The following SH3TC1 variants were observed in gnomAD, a reference collection of about 807,000 sequenced individuals.
SH3TC1 encodes the protein SH3 domain and tetratricopeptide repeat-containing protein 1.
A neutral mutation model predicts 117.3 loss-of-function variants in SH3TC1; 135 were observed. The ratio of observed to expected loss-of-function variants is 1.15; its 90% confidence interval spans 1.00 to 1.33. The LOEUF (loss-of-function observed/expected upper bound fraction) is 1.33, where lower values mean the gene tolerates loss of function less well. Among genes scored for constraint, SH3TC1 ranks in the 40% most tolerant of loss-of-function variants. The pLI, the probability that SH3TC1 is intolerant of heterozygous loss-of-function variation, is 0.00. For synonymous variants in SH3TC1, 898 were observed against 816.9 expected (o/e 1.10, Z -1.69); for missense variants, 2,092 against 1,794.3 (o/e 1.17, Z -3.00).
In SH3TC1 at chr4:8,228,156, T is replaced by A. The variant is rs1161990990; in HGVS notation, c.2462T>A (p.Val821Asp). 4.3e-6 allele frequency: 7 copies of A among 1,612,086 alleles called. No individual in the cohort carries two copies. The highest frequency in any genetic ancestry group is 5.9e-6 in the Non-Finnish European group (7 of 1,179,374). ...QAVEASAIAG[V>D]RAIVDHLVAL... ...GTGGAAGCCAGTGCTATTGCCGGAG[T>A]CCGTGCCATCGTGGACCACCTGGTG... The change falls in exon 12 of 18, where the codon GTC (valine) becomes GAC (aspartate). Residue 821 changes from valine (V) to aspartate (D), a missense_variant. Coordinates refer to ENST00000245105, the MANE Select transcript of SH3TC1 (RefSeq NM_018986.5).
chr4:8,223,558 A>G (rs1322580120), intron 10 of SH3TC1, among the ~76,000 whole-genome samples: 1 of 152,194 alleles, frequency 6.6e-6, no homozygotes, highest in Non-Finnish European at 1.5e-5. Context: ...GTCATCCACA[A>G]CATAAAGAAA....
At chr4:8,196,971 ACAC>A (rs1219123286), upstream of SH3TC1, among the ~76,000 whole-genome samples, 1 of 152,178 alleles carries the variant, frequency 6.6e-6, no homozygotes. This position sits in a 1 kb window ranked among gnomAD's most constrained non-coding sequence, Gnocchi z 4.6. Flanking sequence ...TACCGAGCTG[ACAC>A]CAAAAGGTAG....
Position 8,232,161 on chromosome 4 carries a change from G to T in SH3TC1, c.3131+5G>T. 7.4e-7 allele frequency: 1 copy of T among 1,348,570 alleles called. No individual in the cohort carries two copies. The allele number at this position is 1,348,570 out of a possible 1,614,324, so 83.5% of individuals were successfully genotyped here. The stretch of plus-strand genomic sequence containing the variant: ...CCTGTCCCTGGGCACCGAGCGGTGA[G>T]GGCTGGCTCTGTGGTGGTGGGGGCG... On this transcript the variant is annotated splice_donor_5th_base_variant and intron_variant, in intron 13 of 17. Transcript: ENST00000245105.
intron 1 of SH3TC1, among the ~76,000 whole-genome samples, chr4:8,199,838 C>T (rs1717707969): frequency 6.6e-6 from 1 of 152,202 alleles, no homozygotes; most frequent in Non-Finnish European, 1.5e-5. Context: ...CCCAGCGCCT[C>T]AGCCTCACCC....
rs201346781 is a variant in SH3TC1 at position 8,218,262 on chromosome 4, C to T, written c.840-9C>T. 692 of 1,608,148 alleles carry T rather than the reference C, an allele frequency of 4.3e-4. No individual in the cohort carries two copies. Among genetic ancestry groups the T allele is most frequent in the Non-Finnish European group, 5.4e-4 (636 of 1,175,446 alleles). ...TCCCGCAGCAAAGACCTCCCTCTTC[C>T]GGCTCCAGGTGGGCTCTTAGGATCC... On this transcript the variant is annotated splice_polypyrimidine_tract_variant and intron_variant, in intron 7 of 17. Coordinates refer to ENST00000245105, the MANE Select transcript of SH3TC1 (RefSeq NM_018986.5).
At position 8,219,293 on chromosome 4, in the gene SH3TC1, A is replaced by C. The variant is rs755101260; in HGVS notation, c.917-42A>C. ...GCCCTGTCTGCCCGCTCTGGCCCCCATTTGGTCTCCCTGGCACTCACCATG... is the reference window on the plus strand; with the variant it reads ...GCCCTGTCTGCCCGCTCTGGCCCCCCTTTGGTCTCCCTGGCACTCACCATG... On this transcript the variant is annotated intron_variant, in intron 8 of 17. Coordinates refer to ENST00000245105, the MANE Select transcript of SH3TC1 (RefSeq NM_018986.5). 13 of 1,503,372 alleles carry C rather than the reference A, an allele frequency of 8.6e-6. No homozygotes were observed. In the South Asian group the frequency reaches 1.5e-4, roughly 17 times the overall value. 93.1% of individuals were successfully genotyped at this position (1,503,372 alleles called of 1,614,324 possible).
At position 8,183,187 on chromosome 4, in the gene SH3TC1, C is replaced by T. The variant is rs1338409331; in HGVS notation, c.-57+977C>T. Among the ~76,000 whole-genome samples the T allele has an allele frequency of 6.6e-6, 1 of 152,212 alleles. No individual in the cohort carries two copies. Among genetic ancestry groups the T allele is most frequent in the Non-Finnish European group, 1.5e-5 (1 of 68,030 alleles). On this transcript the variant is annotated intron_variant, in intron 1 of 16. Coordinates refer to the SH3TC1 transcript ENST00000508641. The surrounding 1 kb of genome is among the most constrained non-coding windows in gnomAD (Gnocchi z 5.4). ...TAGAATGGTCTGGAGCCCTCTGTGG[C>T]AGCAGCAGCCCCAGGCGAGTTCTGT...
Position 8,228,036 on chromosome 4 carries a change from G to A in SH3TC1, c.2342G>A (p.Gly781Asp). The A allele has an allele frequency of 6.2e-7, 1 of 1,608,320 alleles. No homozygotes were observed. The highest frequency in any genetic ancestry group is 1.7e-5 in the Admixed American group (1 of 59,824). ...CTGGCCTCCCTGACCCCGGGCACAG[G>A]CCAGGCGCTGCGCGGCCCCCTCTAC... ...QALASLTPGT[G>D]QALRGPLYTS... Residue 781 changes from glycine (G) to aspartate (D), a missense_variant, in exon 12 of 18, where the codon GGC becomes GAC. Physicochemically the swap from Gly to Asp is moderately conservative, Grantham distance 94. Transcript: ENST00000245105.
chr4:8,188,785 G>A (rs1717315899), intron 1 of SH3TC1, among the ~76,000 whole-genome samples: 1 of 152,244 alleles, frequency 6.6e-6, no homozygotes, highest in African/African-American at 2.4e-5. Context: ...TAGCAGGCAT[G>A]TGAGGTAGCA....
chr4:8,238,240 G>A (rs543999424), intron 17 of SH3TC1, among the ~76,000 whole-genome samples: 8 of 152,188 alleles, frequency 5.3e-5, no homozygotes, highest in African/African-American at 1.4e-4. Flanking sequence ...TTCACAGACA[G>A]GGAAACCCCA....
In SH3TC1 at chr4:8,219,414, C is replaced by T. The variant is rs41266529; in HGVS notation, c.996C>T (p.Ile332=). ...EEMTFRGGDL[I]EILGAQVPSL... is the part of the protein sequence containing the mutation. ...TGACCTTCCGAGGTGGCGACCTCAT[C>T]GAGATCCTTGGGGCGCAGGTGCCCA... Residue 332 remains isoleucine (I), a synonymous_variant, in exon 9 of 18, where the codon ATC becomes ATT. Transcript: ENST00000245105. 817 of 1,611,768 alleles carry T rather than the reference C, an allele frequency of 5.1e-4. 5 individuals carry two copies. Among genetic ancestry groups the T allele is most frequent in the South Asian group, 9.1e-4 (83 of 91,014 alleles).
At chr4:8,234,498 T>TCCATCCAC (rs1373882876) in intron 14 of SH3TC1, among the ~76,000 whole-genome samples, 4 of 149,650 alleles carry the variant, frequency 2.7e-5, no homozygotes, top group African/African-American at 9.9e-5. Flanking sequence ...CATCCACCCA[T>TCCATCCAC]CCATCCATTC....
intron 3 of SH3TC1, among the ~76,000 whole-genome samples, chr4:8,211,536 T>G (rs1718730950): frequency 7.2e-6 from 1 of 138,464 alleles, no homozygotes; most frequent in African/African-American, 2.7e-5. Context: ...CTACTCCTCA[T>G]TCTCTTCCCC....
Position 8,186,043 on chromosome 4 carries a change from G to A in SH3TC1, c.-57+3833G>A, listed in dbSNP as rs7693229. Among the ~76,000 whole-genome samples, 2 of 152,162 alleles carry A rather than the reference G, an allele frequency of 1.3e-5. No individual in the cohort carries two copies. The highest frequency in any genetic ancestry group is 1.3e-4 in the Admixed American group (2 of 15,268). ...TTGAGCAACATTTCCTACATTTTAC[G>A]GTGATAGGCAGGAGCTGTCCGCGCG... On this transcript the variant is annotated intron_variant, in intron 1 of 16. Transcript: ENST00000508641. This position sits in a 1 kb window ranked among gnomAD's most constrained non-coding sequence, Gnocchi z 5.2.
Position 8,225,109 on chromosome 4 carries a change from C to T in SH3TC1, c.1244-66C>T, listed in dbSNP as rs1578712313. On this transcript the variant is annotated intron_variant, in intron 10 of 17. Transcript: ENST00000245105. The surrounding 1 kb of genome is among the most constrained non-coding windows in gnomAD (Gnocchi z 5.5). ...TCACCCTGCAACATCGACACTAGCT[C>T]AACCTGGCAGGGGACCAGAGGTACT... 7 of 1,593,134 alleles carry T rather than the reference C, an allele frequency of 4.4e-6. No homozygotes were observed. In the East Asian group the frequency reaches 9.0e-5, roughly 20 times the overall value.
chr4:8,215,805 C>G (rs1172233448), intron 5 of SH3TC1, among the ~76,000 whole-genome samples: 1 of 152,244 alleles, frequency 6.6e-6, no homozygotes, highest in Non-Finnish European at 1.5e-5. Context: ...GCGGCCTGCA[C>G]GGCCCCCGAC....
rs777194195 is a variant in SH3TC1, at chr4:8,240,807, A to G, written c.3863A>G (p.His1288Arg). Residue 1288 changes from histidine to arginine, a missense_variant, in exon 18 of 18, where the codon CAC becomes CGC. His to Arg is a conservative substitution (Grantham distance 29, BLOSUM62 0). Transcript: ENST00000245105. ...KIYTRLATIY[H>R]NFLLDREKSL... is the part of the protein sequence containing the mutation. Reference sequence around the variant, plus strand: ...TACACGCGGCTGGCCACCATCTACCACAACTTCCTCCTGGACCGTGAGAAG... The same window carrying G: ...TACACGCGGCTGGCCACCATCTACCGCAACTTCCTCCTGGACCGTGAGAAG... 4 of 1,614,014 alleles carry G rather than the reference A, an allele frequency of 2.5e-6. No individual in the cohort carries two copies. In the Admixed American group the frequency reaches 6.7e-5, roughly 27 times the overall value.
At position 8,216,257 on chromosome 4, in the gene SH3TC1, G is replaced by A. The variant is rs1352047755; in HGVS notation, c.628G>A (p.Gly210Arg). ...CCACGAGAGCCTCCTCATCCAAGAA[G>A]GTGAGCGTTGCATGGGGTGATGGCC... Reference protein sequence around the residue: ...LTHESLLIQEGPFFVLCPDHH... With the variant: ...LTHESLLIQERPFFVLCPDHH... Residue 210 changes from glycine (G) to arginine (R), a missense_variant and splice_region_variant, in exon 6 of 18, where the codon GGG becomes AGG. Gly to Arg is a moderately radical substitution (Grantham distance 125, BLOSUM62 -2). Transcript: ENST00000245105. 8.1e-6 allele frequency: 13 copies of A among 1,612,830 alleles called. No individual in the cohort carries two copies. The highest frequency in any genetic ancestry group is 1.1e-5 in the Non-Finnish European group (13 of 1,179,692).
Position 8,209,743 on chromosome 4 carries a change from T to C in SH3TC1, c.173-5T>C. 6.2e-7 allele frequency: 1 copy of C among 1,613,762 alleles called. No homozygotes were observed. Among genetic ancestry groups the C allele is most frequent in the Non-Finnish European group, 8.5e-7 (1 of 1,179,968 alleles). On this transcript the variant is annotated splice_polypyrimidine_tract_variant and splice_region_variant and intron_variant, in intron 2 of 17. Coordinates refer to ENST00000245105, the MANE Select transcript of SH3TC1 (RefSeq NM_018986.5). This position sits in a 1 kb window ranked among gnomAD's most constrained non-coding sequence, Gnocchi z 5.9. Reference sequence around the variant, plus strand: ...CCCTAATCCTGGGAACCTGCTGTGTTGCAGACGAGGCTCCTCCTGCCCGCG... The same window carrying C: ...CCCTAATCCTGGGAACCTGCTGTGTCGCAGACGAGGCTCCTCCTGCCCGCG...
Sources: allele counts gnomAD v4.1 joint callset (sites outside exome capture counted in the v4.1 genomes callset), GRCh38; gene constraint gnomAD v4.1.1; non-coding constraint Gnocchi (gnomAD v3.1); transcripts MANE v1.5; gene names NCBI Gene and HGNC (gene_info 2026-07-23, HGNC 2026-07-21).